The following KLHL32 variants were observed in gnomAD, a reference collection of about 807,000 sequenced individuals.
KLHL32 encodes kelch like family member 32, also known as kelch-like protein 32.
KLHL32 carries 35 observed loss-of-function variants against 64.8 expected under a neutral mutation model. The observed-to-expected ratio is 0.54, with a 90% CI of 0.41 to 0.72. The LOEUF (loss-of-function observed/expected upper bound fraction) is 0.72. Ranked by LOEUF, KLHL32 falls within the 30% of genes least tolerant of loss-of-function variation. The probability of loss-of-function intolerance (pLI) is 0.00; values close to 1 mark genes in which losing one functional copy is unlikely to be tolerated. For synonymous variants in KLHL32, 259 were observed against 281.0 expected (o/e 0.92, Z 0.78); for missense variants, 589 against 768.5 (o/e 0.77, Z 2.76).
the KLHL32 span, among the ~76,000 whole-genome samples, chr6:96,905,116 A>G: frequency 3.3e-5 from 5 of 152,198 alleles, no homozygotes; most frequent in African/African-American, 1.2e-4. Context: ...TAGCAATTTA[A>G]TCAATACAAC....
intron 4 of KLHL32, among the ~76,000 whole-genome samples, chr6:97,060,712 G>T (rs1788740124): frequency 6.6e-6 from 1 of 152,134 alleles, no homozygotes; most frequent in South Asian, 2.1e-4. Flanking sequence ...TTGGCACACA[G>T]TATTCAAGAG....
intron 5 of KLHL32, among the ~76,000 whole-genome samples, chr6:97,069,414 T>G (rs1175872091): frequency 6.6e-6 from 1 of 151,896 alleles, no homozygotes; most frequent in Non-Finnish European, 1.5e-5. Flanking sequence ...TTTTTTTTTT[T>G]TTTGTACCAA....
intron 10 of KLHL32, among the ~76,000 whole-genome samples, chr6:97,134,672 A>C (rs1016686450): frequency 1.8e-4 from 27 of 152,330 alleles, no homozygotes; most frequent in African/African-American, 6.3e-4. Context: ...TATTTCTACT[A>C]GTTTTAGTAT....
chr6:97,129,540 C>A (rs115914691), intron 8 of KLHL32, among the ~76,000 whole-genome samples: 1 of 152,140 alleles, frequency 6.6e-6, no homozygotes, highest in African/African-American at 2.4e-5. Flanking sequence ...TGAGGGTGAA[C>A]AGGAACCAAA....
intron 1 of KLHL32, among the ~76,000 whole-genome samples, chr6:96,935,400 CT>C (rs2127994097): frequency 6.6e-6 from 1 of 152,248 alleles, no homozygotes; most frequent in East Asian, 1.9e-4. Flanking sequence ...ATTGAGTTAC[CT>C]TTTCCCCCCA....
Position 97,085,140 on chromosome 6 carries a change from T to C in KLHL32, c.426T>C (p.Phe142=). The C allele has an allele frequency of 6.2e-7, 1 of 1,613,266 alleles. No homozygotes were observed. Among genetic ancestry groups the C allele is most frequent in the Non-Finnish European group, 8.5e-7 (1 of 1,179,700 alleles). Reference sequence around the variant, plus strand: ...TTGGCACCCAGGAATTAAATAGCTTTAATTACTTGGATCTGTACAGACTTG... The same window carrying C: ...TTGGCACCCAGGAATTAAATAGCTTCAATTACTTGGATCTGTACAGACTTG... ...SHYLIQELNS[F]NYLDLYRLAD... is the part of the protein sequence containing the mutation. Residue 142 remains phenylalanine, a synonymous_variant, in exon 6 of 11, where the codon TTT becomes TTC. Coordinates refer to ENST00000369261, the MANE Select transcript of KLHL32 (RefSeq NM_052904.4).
intron 1 of KLHL32, among the ~76,000 whole-genome samples, chr6:96,963,725 T>A (rs1229107813): frequency 6.6e-6 from 1 of 152,234 alleles, no homozygotes; most frequent in Non-Finnish European, 1.5e-5. Context: ...TTTTTATACA[T>A]TCCTTGTCTT....
chr6:96,996,379 A>AAAC (rs912201209), intron 3 of KLHL32, among the ~76,000 whole-genome samples: 3 of 152,158 alleles, frequency 2.0e-5, no homozygotes, highest in Non-Finnish European at 2.9e-5. Context: ...CCCATGATTA[A>AAAC]AACAACAACA....
intron 6 of KLHL32, among the ~76,000 whole-genome samples, chr6:97,112,033 G>C (rs892341565): frequency 4.0e-5 from 6 of 151,878 alleles, no homozygotes; most frequent in Non-Finnish European, 5.9e-5. Context: ...GTACAGGATG[G>C]GGGGGTGGGG....
At chr6:97,133,837 G>A (rs1426546556) in intron 10 of KLHL32, among the ~76,000 whole-genome samples, 1 of 152,088 alleles carries the variant, frequency 6.6e-6, no homozygotes, top group African/African-American at 2.4e-5. Flanking sequence ...AATGGATATG[G>A]GTTCTGACTG....
intron 6 of KLHL32, among the ~76,000 whole-genome samples, chr6:97,100,499 C>T (rs1379564198): frequency 1.3e-5 from 2 of 152,174 alleles, no homozygotes; most frequent in Admixed American, 6.5e-5. Context: ...TTTATGGGTT[C>T]CCCCATGCCA....
chr6:97,046,840 T>G (rs1334397738), intron 4 of KLHL32, among the ~76,000 whole-genome samples: 1 of 152,226 alleles, frequency 6.6e-6, no homozygotes, highest in African/African-American at 2.4e-5. Context: ...ATTAGGGACA[T>G]TCACTGACAT....
chr6:96,980,936 T>C (rs980277674), intron 3 of KLHL32, among the ~76,000 whole-genome samples: 2 of 142,984 alleles, frequency 1.4e-5, no homozygotes, highest in South Asian at 4.4e-4. Context: ...CTTACAATCA[T>C]GGCAGAAGGG....
In KLHL32 at chr6:97,114,047, A is replaced by G. The variant is rs144918833; in HGVS notation, c.892A>G (p.Lys298Glu). ...SDTLYIIGGK[K>E]REVCKVKELR... ...CACTCTGTATATCATTGGTGGGAAA[A>G]AGCGCGAGGTCTGCAAGGTCAAGGA... Residue 298 changes from lysine (K) to glutamate (E), a missense_variant, in exon 7 of 11, where the codon AAG (lysine) becomes GAG (glutamate). This residue lies in a region of KLHL32 where 226 missense variants were observed against 353.2 expected (regional missense o/e 0.64). Coordinates refer to ENST00000369261, the MANE Select transcript of KLHL32 (RefSeq NM_052904.4). The G allele has an allele frequency of 3.8e-5, 62 of 1,614,066 alleles. No individual in the cohort carries two copies. The highest frequency in any genetic ancestry group is 5.1e-6 in the Non-Finnish European group (6 of 1,180,042).
At chr6:96,964,215 T>C (rs946956877) in intron 1 of KLHL32, among the ~76,000 whole-genome samples, 1 of 152,068 alleles carries the variant, frequency 6.6e-6, no homozygotes, top group African/African-American at 2.4e-5. Context: ...CCCTGGGCTG[T>C]AGGGGAAAAC....
rs1437140967 is a variant in KLHL32 at position 97,113,798 on chromosome 6, TTGGAACACAAC to T, written c.646_656del (p.Glu216ProfsTer36). ...TCTGTTTCAGCTAGCTGTGAGGTGG[TTGGAACACAAC>T]TGCCACTACCAGTACATGGACGAGC... On this transcript the variant is annotated frameshift_variant, in exon 7 of 11. Coordinates refer to ENST00000369261, the MANE Select transcript of KLHL32 (RefSeq NM_052904.4). LOFTEE classifies it high-confidence loss of function. 6.2e-7 allele frequency: 1 copy of T among 1,612,114 alleles called. No individual in the cohort carries two copies.
At chr6:97,134,854 T>C (rs1250463333) in intron 10 of KLHL32, among the ~76,000 whole-genome samples, 1 of 152,186 alleles carries the variant, frequency 6.6e-6, no homozygotes. Context: ...ACATAGAAAC[T>C]TAAATAAAAA....
chr6:97,022,518 G>A (rs185858565), intron 3 of KLHL32, among the ~76,000 whole-genome samples: 16 of 146,804 alleles, frequency 1.1e-4, no homozygotes, highest in Non-Finnish European at 2.4e-4. Flanking sequence ...TGCCCAGGCT[G>A]GAGTGCAGTG....
At chr6:97,096,130 A>G (rs1446915826) in intron 6 of KLHL32, among the ~76,000 whole-genome samples, 1 of 152,128 alleles carries the variant, frequency 6.6e-6, no homozygotes, top group Non-Finnish European at 1.5e-5. Flanking sequence ...CATCATTCTC[A>G]CACCCAACGT....
Sources: gnomAD v4.1 joint callset for allele counts (sites outside exome capture counted in the v4.1 genomes callset) on GRCh38, gnomAD v4.1.1 for gene constraint, gnomAD v4.1.1 regional missense constraint, MANE v1.5 for transcripts, NCBI Gene and HGNC (gene_info 2026-07-23, HGNC 2026-07-21) for gene names.